HS2ST1: variants seen among roughly 807,000 people sequenced by gnomAD.
HS2ST1 encodes heparan sulfate 2-O-sulfotransferase 1, also known as 2-O-sulfotransferase.
HS2ST1 carries 18 observed loss-of-function variants against 42.9 expected under a neutral mutation model. That is an observed-to-expected ratio of 0.42 (90% CI 0.29 to 0.62). The LOEUF is 0.62. Among genes scored for constraint, HS2ST1 ranks in the 20% least tolerant of loss-of-function variants. HS2ST1 has a pLI of 0.21. For missense variants in HS2ST1, 334 were observed against 433.8 expected (o/e 0.77, Z 2.04); for synonymous variants, 146 against 152.9 (o/e 0.95, Z 0.33).
intron 2 of HS2ST1, among the ~76,000 whole-genome samples, chr1:87,075,092 A>G (rs1198838087): frequency 6.8e-6 from 1 of 147,730 alleles, no homozygotes; most frequent in Non-Finnish European, 1.5e-5. Context: ...CCTGAACCCC[A>G]TCTGATATAA....
intron 1 of HS2ST1, among the ~76,000 whole-genome samples, chr1:87,057,636 G>T (rs1029169455): frequency 6.6e-6 from 1 of 151,156 alleles, no homozygotes; most frequent in Non-Finnish European, 1.5e-5. Context: ...TGGATCACGA[G>T]GTCAGGAGAT....
intron 1 of HS2ST1, 33 bp downstream of exon 1, chr1:86,915,193 G>C (rs1404794147): frequency 1.3e-6 from 2 of 1,595,462 alleles, no homozygotes; most frequent in South Asian, 2.2e-5. Flanking sequence ...GCTGAGTGCT[G>C]TGGAAGGGGC....
intron 1 of HS2ST1, among the ~76,000 whole-genome samples, chr1:87,018,924 G>C (rs1649843104): frequency 6.6e-6 from 1 of 152,106 alleles, no homozygotes; most frequent in Admixed American, 6.5e-5. Context: ...ATTGGACCTT[G>C]ACTGATATAT....
At chr1:86,969,262 C>CT (rs1411275651) in intron 1 of HS2ST1, among the ~76,000 whole-genome samples, 1 of 152,186 alleles carries the variant, frequency 6.6e-6, no homozygotes, top group African/African-American at 2.4e-5. Flanking sequence ...TAGGGTTCTT[C>CT]TGAAACCTCA....
intron 1 of HS2ST1, among the ~76,000 whole-genome samples, chr1:87,002,460 T>C (rs980172011): frequency 1.1e-4 from 16 of 151,840 alleles, no homozygotes; most frequent in African/African-American, 3.4e-4. Context: ...CAGGGCATGG[T>C]GGTGTATGCC....
In HS2ST1 at chr1:87,106,668, C is replaced by T. The variant is rs935243964; in HGVS notation, c.*1972C>T. On this transcript the variant is annotated 3_prime_UTR_variant, in exon 7 of 7. Coordinates refer to ENST00000370550, the MANE Select transcript of HS2ST1 (RefSeq NM_012262.4). ...TATAAAAATATTAAAAGAACATAGG[C>T]AGGCTTTTTTTAAATTTGGCTTTTT... The T allele has an allele frequency of 6.6e-6, 1 of 151,970 alleles. No homozygotes were observed. The highest frequency in any genetic ancestry group is 1.5e-5 in the Non-Finnish European group (1 of 67,936). The allele number at this position is 151,970 out of a possible 1,614,324, so 9.4% of individuals were successfully genotyped here.
intron 4 of HS2ST1, among the ~76,000 whole-genome samples, chr1:87,093,474 TAA>T (rs1651992266): frequency 6.6e-6 from 1 of 152,112 alleles, no homozygotes; most frequent in African/African-American, 2.4e-5. Flanking sequence ...ACCACTTCCG[TAA>T]AGTCTTTTCT....
intron 1 of HS2ST1, among the ~76,000 whole-genome samples, chr1:86,975,137 A>T (rs543926083): frequency 6.6e-6 from 1 of 152,136 alleles, no homozygotes; most frequent in African/African-American, 2.4e-5. Context: ...CTTAAATTTA[A>T]TTTATTCTCT....
intron 5 of HS2ST1, 133 bp from the exon 6 acceptor site, chr1:87,103,298 TG>T: frequency 5.8e-6 from 4 of 686,754 alleles, no homozygotes; most frequent in Admixed American, 3.4e-5. Flanking sequence ...TCCCACAGGA[TG>T]GTAATAAAGA....
chr1:86,961,808 T>G (rs1305084343), intron 1 of HS2ST1, among the ~76,000 whole-genome samples: 1 of 152,112 alleles, frequency 6.6e-6, no homozygotes, highest in African/African-American at 2.4e-5. Flanking sequence ...TTTAATCTGC[T>G]TTTTCTCTAT....
chr1:87,070,678 T>C (rs1389100455), intron 1 of HS2ST1, among the ~76,000 whole-genome samples: 2 of 152,236 alleles, frequency 1.3e-5, no homozygotes, highest in Admixed American at 1.3e-4. Flanking sequence ...TATGGATGCT[T>C]ATCGTATGTT....
intron 1 of HS2ST1, among the ~76,000 whole-genome samples, chr1:86,958,972 CTAAA>C (rs1380578505): frequency 6.6e-6 from 1 of 152,084 alleles, no homozygotes; most frequent in East Asian, 1.9e-4. Flanking sequence ...CATCCACAGT[CTAAA>C]TAAGAAAAAT....
intron 1 of HS2ST1, among the ~76,000 whole-genome samples, chr1:87,029,201 T>C (rs1198427299): frequency 6.6e-6 from 1 of 152,186 alleles, no homozygotes; most frequent in Non-Finnish European, 1.5e-5. Context: ...GAAAATATTA[T>C]GTGAGTCATA....
chr1:86,954,640 A>G (rs139211688), intron 1 of HS2ST1, among the ~76,000 whole-genome samples: 21 of 152,338 alleles, frequency 1.4e-4, no homozygotes, highest in Non-Finnish European at 2.9e-4. Context: ...TTCATTGGTT[A>G]GAATTGGCTA....
At chr1:87,070,557 A>C (rs1651376855) in intron 1 of HS2ST1, among the ~76,000 whole-genome samples, 1 of 152,080 alleles carries the variant, frequency 6.6e-6, no homozygotes, top group African/African-American at 2.4e-5. Flanking sequence ...ACACCACTGC[A>C]CTCCAGCCTG....
chr1:87,041,006 T>A (rs982255230), intron 1 of HS2ST1, among the ~76,000 whole-genome samples: 4 of 152,128 alleles, frequency 2.6e-5, no homozygotes, highest in African/African-American at 9.7e-5. Context: ...TAAGCTCTCC[T>A]CTGTCTTAAA....
At chr1:87,068,551 C>A (rs1050110159) in intron 1 of HS2ST1, among the ~76,000 whole-genome samples, 1 of 152,146 alleles carries the variant, frequency 6.6e-6, no homozygotes, top group Non-Finnish European at 1.5e-5. Flanking sequence ...CCCTTTATTT[C>A]TTTCTCCTGC....
At chr1:87,037,673 G>T (rs937341731) in intron 1 of HS2ST1, among the ~76,000 whole-genome samples, 1 of 150,806 alleles carries the variant, frequency 6.6e-6, no homozygotes, top group Non-Finnish European at 1.5e-5. Flanking sequence ...AATTGGGTAT[G>T]TATGTTCCTA....
At chr1:86,991,601 G>A (rs1051921809) in intron 1 of HS2ST1, among the ~76,000 whole-genome samples, 7 of 152,148 alleles carry the variant, frequency 4.6e-5, no homozygotes, top group South Asian at 4.1e-4. Flanking sequence ...GCAGCTTCAG[G>A]CTATGCTTAA....
Sources: allele counts gnomAD v4.1 joint callset (sites outside exome capture counted in the v4.1 genomes callset), GRCh38; gene constraint gnomAD v4.1.1; transcripts MANE v1.5; gene names NCBI Gene and HGNC (gene_info 2026-07-23, HGNC 2026-07-21).